Variants in CLSPN observed in about 807,000 individuals in gnomAD.
The protein encoded by CLSPN is claspin homolog.
Under a neutral mutation model 156.3 loss-of-function variants are expected in CLSPN, and 85 were observed. The ratio of observed to expected loss-of-function variants is 0.54; its 90% CI spans 0.46 to 0.65. The LOEUF (loss-of-function observed/expected upper bound fraction) is 0.65. Among genes scored for constraint, CLSPN ranks in the 30% least tolerant of loss-of-function variants. The pLI is 0.00. For synonymous variants in CLSPN, 534 were observed against 542.4 expected (o/e 0.98, Z 0.22); for missense variants, 1,407 against 1,554.9 (o/e 0.90, Z 1.60).
chr1:35,760,563 G>A lies in CLSPN; in HGVS notation c.1358C>T (p.Pro453Leu). 1.2e-6 allele frequency: 2 copies of A among 1,614,194 alleles called. No homozygotes were observed. Among genetic ancestry groups the A allele is most frequent in the Non-Finnish European group, 1.7e-6 (2 of 1,180,038 alleles). Reference protein sequence around the residue: ...CQVGGLVAFEPHALEGEGPQN... With the variant: ...CQVGGLVAFELHALEGEGPQN... Reference sequence around the variant, plus strand: ...GGGGCCTTCACCCTCCAGGGCATGAGGTTCAAATGCTACAAGCCCTCCAAC... The same window carrying A: ...GGGGCCTTCACCCTCCAGGGCATGAAGTTCAAATGCTACAAGCCCTCCAAC... The change falls in exon 8 of 25, where the codon CCT becomes CTT. Residue 453 changes from proline (P) to leucine (L), a missense_variant. Physicochemically the swap from Pro to Leu is moderately conservative, Grantham distance 98. Transcript: ENST00000318121.
chr1:35,765,401 A>T (rs906468765), intron 1 of CLSPN, 75 bp from the exon 2 acceptor site: 5 of 946,938 alleles, frequency 5.3e-6, no homozygotes, highest in African/African-American at 3.2e-5. Flanking sequence ...CACACAAATC[A>T]TCGTGGGATC....
In CLSPN at chr1:35,737,404, T is replaced by A. The variant is rs1641514794; in HGVS notation, c.3682A>T (p.Ile1228Phe). 1 of 1,613,834 alleles carries A rather than the reference T, an allele frequency of 6.2e-7. No individual in the cohort carries two copies. Among genetic ancestry groups the A allele is most frequent in the Non-Finnish European group, 8.5e-7 (1 of 1,179,918 alleles). Residue 1228 changes from isoleucine (I) to phenylalanine (F), a missense_variant, in exon 23 of 25, where the codon ATT (isoleucine) becomes TTT (phenylalanine). This residue lies in a region of CLSPN where 241 missense variants were observed against 240.5 expected (regional missense o/e 1.00). Transcript: ENST00000318121. The part of the protein sequence containing the change: ...LQKNASRPMV[I>F]QESKSLLRNP... ...CTGAGCAAAGACTTTGATTCCTGAA[T>A]AACCATAGGGCGACTGGCTGGAAAG...
chr1:35,734,375 G>T lies in CLSPN; in HGVS notation c.*2121C>A. 1.0e-6 allele frequency: 1 copy of T among 985,006 alleles called. No homozygotes were observed. The highest frequency in any genetic ancestry group is 1.2e-6 in the Non-Finnish European group (1 of 829,644). 61.0% of individuals were successfully genotyped at this position (985,006 alleles called of 1,614,324 possible). A position where few individuals can be genotyped will look rare whatever the true frequency, so the allele number is the denominator to read the frequency against. On this transcript the variant is annotated 3_prime_UTR_variant, in exon 25 of 25. Transcript: ENST00000318121. The stretch of plus-strand genomic sequence containing the variant: ...AGTATTGTCAAAGTCAACATCTTGA[G>T]TATTAGAAAACTGTAGAAAACCGGC...
In CLSPN at chr1:35,748,430, G is replaced by C; in HGVS notation, c.2447C>G (p.Ala816Gly). 1 of 1,613,968 alleles carries C rather than the reference G, an allele frequency of 6.2e-7. No homozygotes were observed. The highest frequency in any genetic ancestry group is 8.5e-7 in the Non-Finnish European group (1 of 1,179,930). ...CTTAGAAGCTGAGCTGACCAAACTGGCTCGAAATAGCCCAGGGGAAGGAGA... is the reference window on the plus strand; with the variant it reads ...CTTAGAAGCTGAGCTGACCAAACTGCCTCGAAATAGCCCAGGGGAAGGAGA... ...FRSPSPGLFR[A>G]SLVSSASKSS... The change falls in exon 13 of 25, where the codon GCC becomes GGC. Residue 816 changes from alanine (A) to glycine (G), a missense_variant. By Grantham distance (60) the Ala-to-Gly change is moderately conservative (BLOSUM62 0). This residue lies in a region of CLSPN where 1,096 missense variants were observed against 1,193.0 expected (regional missense o/e 0.92). Transcript: ENST00000318121.
intron 24 of CLSPN, chr1:35,721,042 A>G: frequency 8.6e-7 from 1 of 1,156,864 alleles, no homozygotes; most frequent in Non-Finnish European, 1.3e-6. Flanking sequence ...TAGTTCTGAT[A>G]ATGTTGCAGA....
At chr1:35,732,044 C>T (rs1200460401), downstream of CLSPN, 3 of 584,036 alleles carry the variant, frequency 5.1e-6, no homozygotes, top group Non-Finnish European at 4.3e-6. Context: ...ATACATTTTC[C>T]AACTGAAGCC....
In CLSPN at chr1:35,733,323, T is replaced by TTC; in HGVS notation, c.*3172_*3173insGA. 4.2e-6 allele frequency: 1 copy of TTC among 239,840 alleles called. No homozygotes were observed. The highest frequency in any genetic ancestry group is 6.7e-6 in the Non-Finnish European group (1 of 149,894). The allele number at this position is 239,840 out of a possible 1,614,324, so 14.9% of individuals were successfully genotyped here. A position where few individuals can be genotyped will look rare whatever the true frequency, so the allele number is the denominator to read the frequency against. On this transcript the variant is annotated 3_prime_UTR_variant, in exon 25 of 25. Coordinates refer to ENST00000318121, the MANE Select transcript of CLSPN (RefSeq NM_022111.4). ...GCACTAATTTTCTTTTTTTTTTCTT[T>TTC]TTTTTTTTTTTTTTAGAGTTGGGAT...
At chr1:35,763,047 G>T in intron 4 of CLSPN, 113 bp downstream of exon 4, 1 of 798,470 alleles carries the variant, frequency 1.3e-6, no homozygotes, top group Non-Finnish European at 1.8e-6. Context: ...TAAGTCAACT[G>T]ACACAAGTTT....
chr1:35,741,674 C>CA (rs1641695581), intron 18 of CLSPN, among the ~76,000 whole-genome samples: 1 of 151,812 alleles, frequency 6.6e-6, no homozygotes, highest in Non-Finnish European at 1.5e-5. Context: ...AACAGCATAT[C>CA]AAAAAAATGA....
intron 24 of CLSPN, 116 bp downstream of exon 24, chr1:35,736,798 G>T: frequency 1.5e-6 from 2 of 1,332,380 alleles, no homozygotes; most frequent in South Asian, 3.0e-5. Flanking sequence ...TTATCGGGGA[G>T]TGCAAGATTT....
exon 25 of CLSPN, chr1:35,720,968 T>C: frequency 6.2e-7 from 1 of 1,609,200 alleles, no homozygotes; most frequent in South Asian, 1.1e-5. Flanking sequence ...TCAGAGTCCT[T>C]CTCTGGGATC....
At chr1:35,756,462 A>C (rs561906712) in intron 8 of CLSPN, among the ~76,000 whole-genome samples, 3 of 152,298 alleles carry the variant, frequency 2.0e-5, no homozygotes, top group African/African-American at 7.2e-5. Context: ...CCTTTATTAC[A>C]TGATGCAACC....
intron 18 of CLSPN, among the ~76,000 whole-genome samples, chr1:35,740,529 A>C (rs1641655351): frequency 1.3e-5 from 2 of 150,598 alleles, no homozygotes; most frequent in South Asian, 4.2e-4. Context: ...AGTGATTCTC[A>C]TGCCTCAACC....
chr1:35,737,768 A>C, intron 22 of CLSPN: 1 of 447,204 alleles, frequency 2.2e-6, no homozygotes, highest in South Asian at 5.7e-5. Context: ...GCCTTAGAAC[A>C]TAAAGTAAAA....
chr1:35,751,132 A>G, intron 10 of CLSPN, 118 bp downstream of exon 10: 3 of 1,311,218 alleles, frequency 2.3e-6, no homozygotes, highest in East Asian at 4.6e-5. Context: ...AGTTACCCTC[A>G]TCATGCCCCT....
chr1:35,721,535 G>T (rs1413041883), intron 24 of CLSPN, among the ~76,000 whole-genome samples: 1 of 151,942 alleles, frequency 6.6e-6, no homozygotes, highest in Non-Finnish European at 1.5e-5. Context: ...TTACAGGCGC[G>T]TGCCACCACA....
At chr1:35,743,627 A>ATTT in intron 16 of CLSPN, 97 bp from the exon 17 acceptor site, 4 of 703,208 alleles carry the variant, frequency 5.7e-6, no homozygotes, top group Non-Finnish European at 9.1e-6. Context: ...GTGTGTGTTA[A>ATTT]TTTTTTTTTT....
chr1:35,738,114 ATATATATAT>A lies in CLSPN; in HGVS notation c.3559-26_3559-18del, dbSNP rs371987014. 993 of 420,176 alleles carry A rather than the reference ATATATATAT, an allele frequency of 2.4e-3. 34 individuals are homozygous for A. The highest frequency in any genetic ancestry group is 0.014 in the East Asian group (162 of 11,878). The allele number at this position is 420,176 out of a possible 1,614,324, so 26.0% of individuals were successfully genotyped here. Reference sequence around the variant, plus strand: ...CTGCTGTGCCTGAAAAAAAAAAAAAATATATATATATATATATATATATATACAGCATTA... The same window carrying A: ...CTGCTGTGCCTGAAAAAAAAAAAAAAATATATATATATATATACAGCATTA... On this transcript the variant is annotated intron_variant, in intron 21 of 24. Coordinates refer to ENST00000318121, the MANE Select transcript of CLSPN (RefSeq NM_022111.4).
Position 35,732,259 on chromosome 1 carries a change from C to T in CLSPN, c.*4237G>A. On this transcript the variant is annotated 3_prime_UTR_variant, in exon 25 of 25. Transcript: ENST00000318121. ...AAATAGTATCATGGGAACACTCCTCCCAGAAATACTCTCCTCTATCCTTAG... is the reference window on the plus strand; with the variant it reads ...AAATAGTATCATGGGAACACTCCTCTCAGAAATACTCTCCTCTATCCTTAG... 1 of 985,326 alleles carries T rather than the reference C, an allele frequency of 1.0e-6. No individual in the cohort carries two copies. The highest frequency in any genetic ancestry group is 1.2e-6 in the Non-Finnish European group (1 of 829,904). 61.0% of individuals were successfully genotyped at this position (985,326 alleles called of 1,614,324 possible). A position where few individuals can be genotyped will look rare whatever the true frequency, so the allele number is the denominator to read the frequency against.
Sources: allele counts gnomAD v4.1 joint callset (sites outside exome capture counted in the v4.1 genomes callset), GRCh38; gene constraint gnomAD v4.1.1; regional missense constraint gnomAD v4.1.1; transcripts MANE v1.5; gene names NCBI Gene and HGNC (gene_info 2026-07-23, HGNC 2026-07-21).